MED15: variants seen among roughly 807,000 people sequenced by gnomAD.
The protein encoded by MED15 is mediator complex subunit 15.
Under a neutral mutation model 118.7 loss-of-function variants are expected in MED15, and 41 were observed. That is an observed-to-expected ratio of 0.35 (90% CI 0.27 to 0.45). The LOEUF is 0.45. Ranked by LOEUF, MED15 falls within the 20% of genes least tolerant of loss-of-function variation. MED15 has a pLI of 1.00. For missense variants in MED15, 740 were observed against 1,025.5 expected (o/e 0.72, Z 3.80); for synonymous variants, 436 against 413.9 (o/e 1.05, Z -0.65).
intron 1 of MED15, chr22:20,508,359 T>G (rs5750324): frequency 0.55 from 713,962 of 1,303,506 alleles, 200,489 homozygotes; most frequent in Admixed American, 0.69. Flanking sequence ...TCAGAGGAAC[T>G]CTAGCCCCTC....
At chr22:20,543,586 C>T (rs1372709812) in intron 2 of MED15, among the ~76,000 whole-genome samples, 7 of 150,648 alleles carry the variant, frequency 4.6e-5, no homozygotes, top group Non-Finnish European at 1.0e-4. Flanking sequence ...GAGACTGAGT[C>T]TCACTCTGTC....
At chr22:20,529,491 C>A (rs1316659459) in intron 1 of MED15, among the ~76,000 whole-genome samples, 1 of 152,198 alleles carries the variant, frequency 6.6e-6, no homozygotes, top group African/African-American at 2.4e-5. Flanking sequence ...ATGGCTTGAT[C>A]TTGGCTCACT....
chr22:20,577,224 G>A (rs2056848814), intron 9 of MED15, among the ~76,000 whole-genome samples: 1 of 152,112 alleles, frequency 6.6e-6, no homozygotes, highest in Admixed American at 6.5e-5. Flanking sequence ...CTTCCTGCTG[G>A]GCTGATGACC....
At chr22:20,582,203 T>G in intron 9 of MED15, 1 of 263,492 alleles carries the variant, frequency 3.8e-6, no homozygotes. Context: ...ACGGTCCCAC[T>G]GGTCAGCAGA....
At chr22:20,558,086 C>T (rs1290026007) in intron 5 of MED15, among the ~76,000 whole-genome samples, 5 of 152,024 alleles carry the variant, frequency 3.3e-5, no homozygotes, top group Admixed American at 1.3e-4. Flanking sequence ...GCCTGGGCAA[C>T]AGAGCGAGAC....
chr22:20,557,147 G>A (rs1281059273), intron 5 of MED15, among the ~76,000 whole-genome samples: 1 of 152,042 alleles, frequency 6.6e-6, no homozygotes. Context: ...GGGCAGCATC[G>A]CCCCCTCTGC....
At position 20,562,641 on chromosome 22, in the gene MED15, C is replaced by G. The variant is rs141189607; in HGVS notation, c.452-1809C>G. ...AAGTGATCCTCCTGCCTGAGCCTCC[C>G]GAAGTGCTGGGATTAGAGGTGAGAA... On this transcript the variant is annotated intron_variant, in intron 5 of 17. Transcript: ENST00000263205. Among the ~76,000 whole-genome samples the G allele has an allele frequency of 3.0e-4, 45 of 152,258 alleles. 1 individual carries two copies. In the East Asian group the frequency reaches 4.2e-3, roughly 14 times the overall value.
intron 1 of MED15, among the ~76,000 whole-genome samples, chr22:20,513,965 G>A (rs115442611): frequency 0.03 from 4,504 of 152,226 alleles, 229 homozygotes; most frequent in African/African-American, 0.1. Context: ...CCAGGCTTAA[G>A]CGATCCTCCC....
At chr22:20,573,130 G>C (rs2056720008) in intron 8 of MED15, among the ~76,000 whole-genome samples, 1 of 152,066 alleles carries the variant, frequency 6.6e-6, no homozygotes, top group Admixed American at 6.6e-5. Context: ...CACCATGCCT[G>C]GCTAATTTTG....
intron 5 of MED15, among the ~76,000 whole-genome samples, chr22:20,560,035 T>C (rs2056172585): frequency 6.6e-6 from 1 of 152,180 alleles, no homozygotes; most frequent in Admixed American, 6.5e-5. Flanking sequence ...ATGTCACTAC[T>C]GTGGGGGTGC....
chr22:20,517,624 G>A (rs1421852982), intron 1 of MED15, among the ~76,000 whole-genome samples: 1 of 152,062 alleles, frequency 6.6e-6, no homozygotes, highest in African/African-American at 2.4e-5. Flanking sequence ...GTCTGAACTC[G>A]TCAGGGCAGG....
intron 1 of MED15, among the ~76,000 whole-genome samples, chr22:20,510,125 G>A (rs562804549): frequency 4.6e-5 from 7 of 152,110 alleles, no homozygotes; most frequent in Non-Finnish European, 1.0e-4. Flanking sequence ...GGTGGCTCAC[G>A]CCTGTAATCC....
chr22:20,540,128 C>A (rs2055238806), intron 2 of MED15, among the ~76,000 whole-genome samples: 1 of 151,640 alleles, frequency 6.6e-6, no homozygotes, highest in Non-Finnish European at 1.5e-5. Flanking sequence ...TGTAATCATC[C>A]CGGAGAGCAG....
At chr22:20,508,490 G>T (rs2053952375) in intron 1 of MED15, 1 of 1,108,230 alleles carries the variant, frequency 9.0e-7, no homozygotes, top group African/African-American at 1.6e-5. Context: ...GGTGGGCTGA[G>T]TCCGAAAAGA....
At chr22:20,573,871 C>G (rs535828371) in intron 8 of MED15, 2 of 152,208 alleles carry the variant, frequency 1.3e-5, no homozygotes, top group South Asian at 4.1e-4. Flanking sequence ...GGTGGTAAAT[C>G]GACTCTCACC....
chr22:20,529,428 G>A (rs1473365690), intron 1 of MED15, among the ~76,000 whole-genome samples: 2 of 148,644 alleles, frequency 1.3e-5, no homozygotes, highest in Admixed American at 6.7e-5. Context: ...TTATATTTAC[G>A]TATATATTTT....
intron 1 of MED15, among the ~76,000 whole-genome samples, chr22:20,511,305 T>G (rs1219505147): frequency 6.7e-6 from 1 of 150,266 alleles, no homozygotes; most frequent in Non-Finnish European, 1.5e-5. Context: ...AGTCCAGGAG[T>G]TTGAGACCAG....
intron 1 of MED15, among the ~76,000 whole-genome samples, chr22:20,534,770 G>A (rs1308855592): frequency 1.3e-5 from 2 of 152,102 alleles, no homozygotes; most frequent in East Asian, 1.9e-4. Context: ...CCCATGCCTC[G>A]CTTCCCCAGG....
chr22:20,517,489 A>G (rs1487362834), intron 1 of MED15, among the ~76,000 whole-genome samples: 2 of 151,962 alleles, frequency 1.3e-5, no homozygotes, highest in African/African-American at 4.8e-5. Flanking sequence ...CTCCAAGGAG[A>G]CTGGGCCTTC....
Sources: allele counts gnomAD v4.1 joint callset (sites outside exome capture counted in the v4.1 genomes callset), GRCh38; gene constraint gnomAD v4.1.1; transcripts MANE v1.5; gene names NCBI Gene and HGNC (gene_info 2026-07-23, HGNC 2026-07-21).